The following FOXN2 variants were observed in gnomAD, a reference collection of about 807,000 sequenced individuals.
FOXN2 encodes the protein forkhead box protein N2.
FOXN2 carries 19 observed loss-of-function variants against 41.2 expected under a neutral mutation model. That is an observed-to-expected ratio of 0.46 (90% CI 0.32 to 0.68). FOXN2 has a LOEUF of 0.68. FOXN2 is among the 30% of genes least tolerant of loss of function. The probability of loss-of-function intolerance (pLI) is 0.03; values close to 1 mark genes in which losing one functional copy is unlikely to be tolerated. For missense variants in FOXN2, 587 were observed against 509.4 expected, an observed-to-expected ratio of 1.15 and a Z score of -1.47; for synonymous variants, 195 against 176.8, an observed-to-expected ratio of 1.10 and a Z score of -0.82.
chr2:48,359,853 G>A (rs1425670256), intron 4 of FOXN2, among the ~76,000 whole-genome samples: 1 of 151,868 alleles, frequency 6.6e-6, no homozygotes, highest in Non-Finnish European at 1.5e-5. Context: ...TAAAAATGAA[G>A]GAAATTAAAA....
At chr2:48,371,208 G>A (rs1191343248) in intron 5 of FOXN2, among the ~76,000 whole-genome samples, 3 of 152,098 alleles carry the variant, frequency 2.0e-5, no homozygotes, top group Non-Finnish European at 4.4e-5. Context: ...GACCAGCCTG[G>A]CCAACATGGT....
At chr2:48,368,928 CTT>C (rs1318031284) in intron 5 of FOXN2, among the ~76,000 whole-genome samples, 1 of 152,110 alleles carries the variant, frequency 6.6e-6, no homozygotes, top group Non-Finnish European at 1.5e-5. Flanking sequence ...AGGAAGCACA[CTT>C]ATAAATGTTT....
chr2:48,355,933 A>C (rs1024970566), intron 3 of FOXN2, among the ~76,000 whole-genome samples: 1 of 152,120 alleles, frequency 6.6e-6, no homozygotes, highest in Non-Finnish European at 1.5e-5. Context: ...CTTTTGGTTC[A>C]GCTTGCTTTG....
rs1002030281 is a variant in FOXN2 at position 48,330,062 on chromosome 2, AT to A, written c.-15+1361del. 7.2e-5 allele frequency among the ~76,000 whole-genome samples: 11 copies of A among 152,238 alleles called. No homozygotes were observed. In the South Asian group the frequency reaches 1.2e-3, roughly 17 times the overall value. ...CAACCTTAATTACCAAGAAAAAAAAATAAATAAATAAAAAATTGTTTTCCTT... is the reference window on the plus strand; with the variant it reads ...CAACCTTAATTACCAAGAAAAAAAAAAAATAAATAAAAAATTGTTTTCCTT... On this transcript the variant is annotated intron_variant, in intron 2 of 6. Coordinates refer to ENST00000340553, the MANE Select transcript of FOXN2 (RefSeq NM_002158.4).
intron 2 of FOXN2, among the ~76,000 whole-genome samples, chr2:48,339,281 T>G (rs1044090294): frequency 1.3e-5 from 2 of 152,152 alleles, no homozygotes; most frequent in African/African-American, 2.4e-5. Context: ...GTAATCCGAA[T>G]TGTAATCCCC....
chr2:48,342,049 C>T (rs540671375), intron 2 of FOXN2, among the ~76,000 whole-genome samples: 20 of 152,156 alleles, frequency 1.3e-4, no homozygotes, highest in African/African-American at 4.8e-4. Flanking sequence ...TGTAGTACAG[C>T]CTTTTCTCCC....
chr2:48,315,255 C>G (rs1250282987), intron 1 of FOXN2, among the ~76,000 whole-genome samples: 1 of 152,150 alleles, frequency 6.6e-6, no homozygotes, highest in Non-Finnish European at 1.5e-5. Flanking sequence ...TTGCAACGCC[C>G]CCTCCTCTGG....
chr2:48,315,482 A>G (rs1361231229), intron 1 of FOXN2, among the ~76,000 whole-genome samples: 4 of 152,088 alleles, frequency 2.6e-5, no homozygotes, highest in South Asian at 2.1e-4. Context: ...CTTGGGAGCT[A>G]CTGTTTCAGC....
chr2:48,354,018 G>T (rs1378451463), intron 3 of FOXN2, among the ~76,000 whole-genome samples: 3 of 151,988 alleles, frequency 2.0e-5, no homozygotes, highest in Non-Finnish European at 4.4e-5. Flanking sequence ...TAGAACTATT[G>T]TGTTTATACT....
chr2:48,351,562 G>T (rs889135315), intron 3 of FOXN2, among the ~76,000 whole-genome samples: 1 of 152,134 alleles, frequency 6.6e-6, no homozygotes, highest in Admixed American at 6.6e-5. Flanking sequence ...ATGGGATATG[G>T]TTTTGGGATG....
intron 3 of FOXN2, among the ~76,000 whole-genome samples, chr2:48,347,659 C>T (rs1395061266): frequency 1.3e-5 from 2 of 151,914 alleles, no homozygotes; most frequent in Non-Finnish European, 2.9e-5. Context: ...ATCATTGGTC[C>T]ACCTTCAAAT....
At chr2:48,361,590 T>A (rs1672190087) in intron 4 of FOXN2, among the ~76,000 whole-genome samples, 1 of 152,216 alleles carries the variant, frequency 6.6e-6, no homozygotes, top group Non-Finnish European at 1.5e-5. Flanking sequence ...CAGTTCCATC[T>A]GACATGCTTT....
intron 2 of FOXN2, among the ~76,000 whole-genome samples, chr2:48,344,971 C>T (rs1001616821): frequency 7.9e-5 from 12 of 152,004 alleles, no homozygotes; most frequent in Non-Finnish European, 1.2e-4. Context: ...GCACATTAGC[C>T]TGTTGCTTTC....
chr2:48,346,726 A>C lies in FOXN2; in HGVS notation c.512A>C (p.Gln171Pro). 6.3e-7 allele frequency: 1 copy of C among 1,594,194 alleles called. No homozygotes were observed. The highest frequency in any genetic ancestry group is 8.5e-7 in the Non-Finnish European group (1 of 1,173,156). Reference protein sequence around the residue: ...RHNLSLNKCFQKVERSHGKVN... With the variant: ...RHNLSLNKCFPKVERSHGKVN... ...AATCTGTCCCTGAATAAATGTTTTC[A>C]GAAAGTGGAAAGAAGCCATGGCAAG... The change falls in exon 3 of 7, where the codon CAG (glutamine) becomes CCG (proline). Residue 171 changes from glutamine to proline, a missense_variant. By Grantham distance (76) the Gln-to-Pro change is moderately conservative. Coordinates refer to ENST00000340553, the MANE Select transcript of FOXN2 (RefSeq NM_002158.4).
intron 2 of FOXN2, among the ~76,000 whole-genome samples, chr2:48,339,229 A>G (rs973293302): frequency 1.3e-5 from 2 of 152,124 alleles, no homozygotes; most frequent in East Asian, 3.9e-4. Context: ...CAGAGTTGAT[A>G]TGGTCTGGCT....
chr2:48,343,052 C>G (rs576999986), intron 2 of FOXN2, among the ~76,000 whole-genome samples: 13 of 152,174 alleles, frequency 8.5e-5, no homozygotes, highest in African/African-American at 3.1e-4. Flanking sequence ...GAGTATGTTA[C>G]GTTAATAAAA....
At chr2:48,319,004 C>G (rs1034546340) in intron 1 of FOXN2, among the ~76,000 whole-genome samples, 2 of 152,108 alleles carry the variant, frequency 1.3e-5, no homozygotes, top group East Asian at 1.9e-4. Flanking sequence ...TGATTCTTCC[C>G]GAGTAGATAC....
At chr2:48,328,313 C>G (rs995667247) in intron 1 of FOXN2, among the ~76,000 whole-genome samples, 1 of 152,146 alleles carries the variant, frequency 6.6e-6, no homozygotes. Context: ...CCTGAAGATA[C>G]CAAAATCCAC....
intron 2 of FOXN2, among the ~76,000 whole-genome samples, chr2:48,345,943 A>G (rs1671068539): frequency 6.6e-6 from 1 of 152,146 alleles, no homozygotes; most frequent in Admixed American, 6.5e-5. Context: ...AAAATACACT[A>G]TTTAATTGTG....
Sources: allele counts gnomAD v4.1 joint callset (sites outside exome capture counted in the v4.1 genomes callset), GRCh38; gene constraint gnomAD v4.1.1; transcripts MANE v1.5; gene names NCBI Gene and HGNC (gene_info 2026-07-23, HGNC 2026-07-21).